Variants in EYS observed in about 807,000 individuals in gnomAD.
The protein encoded by EYS is protein eyes shut homolog.
EYS carries 250 observed loss-of-function variants against 282.1 expected under a neutral mutation model. The observed-to-expected ratio is 0.89, with a 90% CI of 0.80 to 0.98. EYS has a LOEUF of 0.98. Ranked by LOEUF, EYS falls within the 50% of genes least tolerant of loss-of-function variation. EYS has a pLI of 0.00. For synonymous variants in EYS, 1,355 were observed against 1,282.9 expected (o/e 1.06, Z -1.20); for missense variants, 4,016 against 3,709.0 (o/e 1.08, Z -2.15).
chr6:65,108,198 G>C (rs58043869), intron 12 of EYS, among the ~76,000 whole-genome samples: 29,777 of 151,982 alleles, frequency 0.2, 3,386 homozygotes, highest in South Asian at 0.27. Context: ...TCCGTTTAGA[G>C]ATAAATGCCT....
chr6:64,498,135 T>C (rs1562026551), intron 26 of EYS, among the ~76,000 whole-genome samples: 2 of 152,306 alleles, frequency 1.3e-5, no homozygotes, highest in East Asian at 3.9e-4. Flanking sequence ...TCAATCAGTA[T>C]ATTTCATATA....
At chr6:65,473,032 G>GCCCC (rs1765272821) in intron 5 of EYS, among the ~76,000 whole-genome samples, 2 of 151,708 alleles carry the variant, frequency 1.3e-5, no homozygotes, top group Non-Finnish European at 2.9e-5. Flanking sequence ...TAAGTCACTG[G>GCCCC]TTCTTAGACA....
Position 65,490,708 on chromosome 6 carries a change from C to G in EYS, c.749-1G>C, listed in dbSNP as rs368159852. 1.3e-5 allele frequency: 21 copies of G among 1,605,154 alleles called. No homozygotes were observed. Among genetic ancestry groups the G allele is most frequent in the Middle Eastern group, 1.7e-4 (1 of 6,030 alleles). On this transcript the variant is annotated splice_acceptor_variant, in intron 4 of 42. Transcript: ENST00000503581. LOFTEE classifies it high-confidence loss of function. Reference sequence around the variant, plus strand: ...CCAATTATTTCTGAGCAATTCTTTCCTATAACAATGAAAAAAAGTTTTTTT... The same window carrying G: ...CCAATTATTTCTGAGCAATTCTTTCGTATAACAATGAAAAAAAGTTTTTTT...
At chr6:64,830,254 A>G (rs778690477) in intron 19 of EYS, among the ~76,000 whole-genome samples, 1 of 151,874 alleles carries the variant, frequency 6.6e-6, no homozygotes, top group South Asian at 2.1e-4. Context: ...TATCCTCTAG[A>G]CCTATAAGAA....
intron 22 of EYS, among the ~76,000 whole-genome samples, chr6:64,715,525 A>G (rs924135649): frequency 2.6e-5 from 4 of 152,202 alleles, no homozygotes; most frequent in African/African-American, 4.8e-5. Flanking sequence ...CTCTTCTAGC[A>G]CAGACAAAGT....
At chr6:65,525,055 A>ATTT (rs35986893) in intron 2 of EYS, among the ~76,000 whole-genome samples, 8,568 of 146,264 alleles carry the variant, frequency 0.059, 757 homozygotes, top group African/African-American at 0.18. Flanking sequence ...TTCTAAACTG[A>ATTT]TTTTTTTTTT....
rs72415144 is a variant in EYS at position 65,476,583 on chromosome 6, C to CT, written c.862+14010dup. On this transcript the variant is annotated intron_variant, in intron 5 of 42. Transcript: ENST00000503581. The stretch of plus-strand genomic sequence containing the variant: ...TTATTACAAGCTATTTCTAAAACTG[C>CT]TTTTTTTTTTTTGAGACAAAGTCTC... Among the ~76,000 whole-genome samples, 482 of 144,600 alleles carry CT rather than the reference C, an allele frequency of 3.3e-3. 2 individuals carry two copies. Among genetic ancestry groups the CT allele is most frequent in the Middle Eastern group, 0.014 (4 of 276 alleles). 94.9% of individuals were successfully genotyped at this position (144,600 alleles called of 152,430 possible).
intron 22 of EYS, among the ~76,000 whole-genome samples, chr6:64,689,631 A>G (rs765503962): frequency 3.9e-5 from 6 of 152,182 alleles, no homozygotes; most frequent in Non-Finnish European, 7.3e-5. Flanking sequence ...AAACAGAGAT[A>G]TAGGGCAATG....
chr6:65,369,267 A>T (rs1003585309), intron 8 of EYS, among the ~76,000 whole-genome samples: 15 of 140,894 alleles, frequency 1.1e-4, no homozygotes, highest in Non-Finnish European at 1.5e-5. Flanking sequence ...GTGTGTGTGT[A>T]TATATATATT....
At chr6:65,492,394 AGAAGGAAG>A (rs199509631) in intron 4 of EYS, among the ~76,000 whole-genome samples, 3 of 151,510 alleles carry the variant, frequency 2.0e-5, no homozygotes, top group African/African-American at 7.3e-5. Context: ...AAAGAAGGAA[AGAAGGAAG>A]GAAGGAAGGA....
Position 64,798,020 on chromosome 6 carries a change from T to G in EYS, c.3443+15358A>C, listed in dbSNP as rs568892379. The stretch of plus-strand genomic sequence containing the variant: ...GATATATATACATATATTAAAACCA[T>G]TATTTTCTTCATTATATTCTTTATA... On this transcript the variant is annotated intron_variant, in intron 22 of 42. Transcript: ENST00000503581. Among the ~76,000 whole-genome samples, 80 of 151,638 alleles carry G rather than the reference T, an allele frequency of 5.3e-4. 1 individual carries two copies. Among genetic ancestry groups the G allele is most frequent in the Middle Eastern group, 6.8e-3 (2 of 292 alleles).
chr6:63,888,424 G>A (rs998557184), intron 35 of EYS, among the ~76,000 whole-genome samples: 13 of 152,228 alleles, frequency 8.5e-5, no homozygotes, highest in East Asian at 3.9e-4. Context: ...CCTCTGGGGC[G>A]AAGCTTCCAG....
intron 22 of EYS, among the ~76,000 whole-genome samples, chr6:64,760,102 A>C (rs1194411262): frequency 1.3e-5 from 2 of 152,166 alleles, no homozygotes; most frequent in African/African-American, 4.8e-5. Flanking sequence ...TGCTGAGTAC[A>C]AACTTTCTAA....
intron 26 of EYS, among the ~76,000 whole-genome samples, chr6:64,541,993 C>A (rs1478764851): frequency 1.3e-5 from 2 of 152,102 alleles, no homozygotes; most frequent in African/African-American, 4.8e-5. Flanking sequence ...TTTAGTCACA[C>A]ACCATTTTAA....
intron 9 of EYS, among the ~76,000 whole-genome samples, chr6:65,353,126 T>C (rs147851781): frequency 1.3e-5 from 2 of 152,048 alleles, no homozygotes; most frequent in East Asian, 3.9e-4. Context: ...CCTGTTTTCA[T>C]AAGAGCATTT....
Position 65,296,108 on chromosome 6 carries a change from G to C in EYS, c.1778C>G (p.Ser593Cys), listed in dbSNP as rs1247532611. The C allele has an allele frequency of 6.5e-7, 1 of 1,546,034 alleles. No homozygotes were observed. The highest frequency in any genetic ancestry group is 8.7e-7 in the Non-Finnish European group (1 of 1,145,134). Reference protein sequence around the residue: ...DEINRPRCSCSLSYIGRLCVV... With the variant: ...DEINRPRCSCCLSYIGRLCVV... Reference sequence around the variant, plus strand: ...ACACAATCTGCCAATGTAACTAAGAGAACAGCTGCATCTGAAACACAGAGA... The same window carrying C: ...ACACAATCTGCCAATGTAACTAAGACAACAGCTGCATCTGAAACACAGAGA... The change falls in exon 12 of 43, where the codon TCT becomes TGT. Residue 593 changes from serine (S) to cysteine (C), a missense_variant. Physicochemically the swap from Ser to Cys is moderately radical, Grantham distance 112. Coordinates refer to ENST00000503581, the MANE Select transcript of EYS (RefSeq NM_001142800.2).
chr6:63,726,714 T>C (rs1768630549), intron 41 of EYS, 34 bp from the exon 42 acceptor site: 3 of 1,518,844 alleles, frequency 2.0e-6, no homozygotes, highest in Non-Finnish European at 2.7e-6. Context: ...CTCTGGGAGT[T>C]ATCTGCTGGA....
intron 5 of EYS, among the ~76,000 whole-genome samples, chr6:65,468,748 A>G (rs1023938014): frequency 6.6e-6 from 1 of 152,054 alleles, no homozygotes; most frequent in African/African-American, 2.4e-5. Context: ...ATAGAAGGAG[A>G]ATTCTGAGAG....
chr6:64,113,866 G>C (rs181667022), intron 31 of EYS, among the ~76,000 whole-genome samples: 9 of 152,238 alleles, frequency 5.9e-5, no homozygotes, highest in Admixed American at 2.0e-4. Context: ...TCTACATCAC[G>C]AGTTGGCAAG....
Sources: allele counts gnomAD v4.1 joint callset (sites outside exome capture counted in the v4.1 genomes callset), GRCh38; gene constraint gnomAD v4.1.1; transcripts MANE v1.5; gene names NCBI Gene and HGNC (gene_info 2026-07-23, HGNC 2026-07-21).